USH2A: variants seen among roughly 807,000 people sequenced by gnomAD.
USH2A encodes Usher syndrome 2A (autosomal recessive, mild).
In USH2A, 443 loss-of-function variants were observed where a neutral mutation model predicts 538.9. The observed-to-expected ratio is 0.82, with a 90% CI of 0.76 to 0.89. The LOEUF (loss-of-function observed/expected upper bound fraction) is 0.89. Ranked by LOEUF, USH2A falls within the 40% of genes least tolerant of loss-of-function variation. The pLI is 0.00. For missense variants in USH2A, 6,633 were observed against 6,324.8 expected (o/e 1.05, Z -1.65); for synonymous variants, 2,413 against 2,273.5 (o/e 1.06, Z -1.75).
At chr1:215,742,215 A>G (rs2102726452) in intron 59 of USH2A, among the ~76,000 whole-genome samples, 1 of 152,310 alleles carries the variant, frequency 6.6e-6, no homozygotes, top group East Asian at 1.9e-4. Flanking sequence ...AAAATTGCAG[A>G]CTCATAATTC....
intron 6 of USH2A, 41 bp downstream of exon 6, chr1:216,325,264 A>G: frequency 6.2e-7 from 1 of 1,605,694 alleles, no homozygotes; most frequent in Non-Finnish European, 8.5e-7. Flanking sequence ...TTGTTGCAAT[A>G]ACCACAGGAA....
chr1:215,868,162 A>G (rs1372391051), intron 43 of USH2A, among the ~76,000 whole-genome samples: 1 of 152,162 alleles, frequency 6.6e-6, no homozygotes, highest in Non-Finnish European at 1.5e-5. Flanking sequence ...GGCCCACAGT[A>G]TTTGTCTCAA....
At chr1:215,970,510 T>A (rs1194408099) in intron 36 of USH2A, 115 bp downstream of exon 36, 2 of 1,316,878 alleles carry the variant, frequency 1.5e-6, no homozygotes, top group South Asian at 1.2e-5. Flanking sequence ...AAATCTCCCA[T>A]CCTGCTTGAA....
intron 13 of USH2A, among the ~76,000 whole-genome samples, chr1:216,242,189 TAAAAAA>T (rs11435772): frequency 6.8e-6 from 1 of 146,488 alleles, no homozygotes; most frequent in Non-Finnish European, 1.5e-5. Flanking sequence ...ATCTCTGCTT[TAAAAAA>T]AAAAAAAATA....
At chr1:215,803,358 T>C (rs1462624455) in intron 49 of USH2A, among the ~76,000 whole-genome samples, 4 of 152,300 alleles carry the variant, frequency 2.6e-5, no homozygotes, top group African/African-American at 7.2e-5. Context: ...TGTTTGCAGA[T>C]GACATGATTG....
chr1:216,271,206 C>T (rs993765389), intron 11 of USH2A, among the ~76,000 whole-genome samples: 14 of 152,058 alleles, frequency 9.2e-5, no homozygotes, highest in African/African-American at 3.4e-4. Flanking sequence ...CATATCTCTC[C>T]AGTCTCACAT....
At chr1:216,147,574 C>T (rs998182503) in intron 21 of USH2A, among the ~76,000 whole-genome samples, 3 of 152,074 alleles carry the variant, frequency 2.0e-5, no homozygotes, top group African/African-American at 7.2e-5. Flanking sequence ...TCTCAAAATA[C>T]ATTTTATTAC....
chr1:216,052,739 G>C (rs965838781), intron 30 of USH2A, among the ~76,000 whole-genome samples: 4 of 152,196 alleles, frequency 2.6e-5, no homozygotes, highest in Non-Finnish European at 5.9e-5. Context: ...TCAAGACAAG[G>C]TCATTTTATT....
At chr1:215,873,002 C>G (rs1465156341) in intron 43 of USH2A, among the ~76,000 whole-genome samples, 2 of 152,042 alleles carry the variant, frequency 1.3e-5, no homozygotes, top group Non-Finnish European at 2.9e-5. Flanking sequence ...GCCAAGTAAA[C>G]TTTTCTTTAT....
intron 16 of USH2A, chr1:216,204,322 G>A (rs575926607): frequency 5.9e-5 from 9 of 152,250 alleles, no homozygotes; most frequent in East Asian, 3.9e-4. Flanking sequence ...TATGATTCTC[G>A]AAGCGCTAGC....
intron 33 of USH2A, among the ~76,000 whole-genome samples, chr1:215,999,362 G>A (rs1668213134): frequency 6.6e-6 from 1 of 152,068 alleles, no homozygotes; most frequent in Admixed American, 6.6e-5. Flanking sequence ...TTCAGAAGCA[G>A]AACTTCTGAG....
intron 43 of USH2A, among the ~76,000 whole-genome samples, chr1:215,868,356 C>T (rs980805196): frequency 2.0e-5 from 3 of 152,138 alleles, no homozygotes; most frequent in South Asian, 2.1e-4. Flanking sequence ...CCCGAAGATA[C>T]GTTTGCAGGT....
At chr1:215,751,429 G>T (rs1660617302) in intron 58 of USH2A, among the ~76,000 whole-genome samples, 1 of 152,078 alleles carries the variant, frequency 6.6e-6, no homozygotes, top group African/African-American at 2.4e-5. Flanking sequence ...AAATGCAATG[G>T]CATTGTTAAT....
intron 37 of USH2A, among the ~76,000 whole-genome samples, chr1:215,953,485 T>C (rs1182707053): frequency 6.6e-6 from 1 of 152,254 alleles, no homozygotes; most frequent in South Asian, 2.1e-4. Flanking sequence ...ATTTAATAAA[T>C]GGTGCTGGGA....
intron 27 of USH2A, among the ~76,000 whole-genome samples, chr1:216,074,964 T>A (rs556548324): frequency 6.6e-6 from 1 of 152,308 alleles, no homozygotes; most frequent in South Asian, 2.1e-4. Flanking sequence ...ATGTACCTAA[T>A]GCCACTAAAC....
chr1:215,818,285 T>C (rs1383774425), intron 47 of USH2A, among the ~76,000 whole-genome samples: 1 of 151,836 alleles, frequency 6.6e-6, no homozygotes, highest in Non-Finnish European at 1.5e-5. Context: ...TACTTAAGTC[T>C]CTTTTGTCAG....
Position 215,634,657 on chromosome 1 carries a change from T to A in USH2A, c.15099A>T (p.Lys5033Asn), listed in dbSNP as rs1278340639. ...TPGKKKGSRS[K>N]STEFYSELWF... ...ACAGCTCGCTGTAGAACTCTGTGCTTTTGCTCCGCGATCCCTTCTTTTTCC... is the reference window on the plus strand; with the variant it reads ...ACAGCTCGCTGTAGAACTCTGTGCTATTGCTCCGCGATCCCTTCTTTTTCC... The change falls in exon 70 of 72, where the codon AAA (lysine) becomes AAT (asparagine). Residue 5033 changes from lysine (K) to asparagine (N), a missense_variant. Lys to Asn is a moderately conservative substitution (Grantham distance 94, BLOSUM62 0). Coordinates refer to ENST00000307340, the MANE Select transcript of USH2A (RefSeq NM_206933.4). 5.0e-6 allele frequency: 8 copies of A among 1,614,218 alleles called. No individual in the cohort carries two copies. The South Asian group carries it at 8.8e-5, about 18-fold the overall frequency.
Position 216,155,617 on chromosome 1 carries a change from C to T in USH2A, c.4627+19635G>A, listed in dbSNP as rs1180485090. 2.6e-5 allele frequency among the ~76,000 whole-genome samples: 4 copies of T among 152,258 alleles called. No individual in the cohort carries two copies. In the East Asian group the frequency reaches 7.7e-4, roughly 29 times the overall value. On this transcript the variant is annotated intron_variant, in intron 21 of 71. Transcript: ENST00000307340. The stretch of plus-strand genomic sequence containing the variant: ...GCCCACTAAATTATCCATAAAAATC[C>T]TAACCTTCAAGACTTCAGAGAGACT...
chr1:215,781,957 A>T, intron 54 of USH2A, 85 bp downstream of exon 54: 1 of 1,581,972 alleles, frequency 6.3e-7, no homozygotes, highest in Non-Finnish European at 8.7e-7. Flanking sequence ...TGTTTTCTTC[A>T]ATGAAAAAAG....
Sources: allele counts gnomAD v4.1 joint callset (sites outside exome capture counted in the v4.1 genomes callset), GRCh38; gene constraint gnomAD v4.1.1; transcripts MANE v1.5; gene names NCBI Gene and HGNC (gene_info 2026-07-23, HGNC 2026-07-21).